The following CCDC7 variants were observed in gnomAD, a reference collection of about 807,000 sequenced individuals.
CCDC7 encodes the protein coiled-coil domain-containing protein 7.
In CCDC7, 183 loss-of-function variants were observed where a neutral mutation model predicts 196.9. That is an observed-to-expected ratio of 0.93 (90% confidence interval 0.82 to 1.05). CCDC7 has a LOEUF of 1.05. Among genes scored for constraint, CCDC7 ranks in the 50% least tolerant of loss-of-function variants. CCDC7 has a pLI of 0.00. For missense variants in CCDC7, 1,540 were observed against 1,482.2 expected (o/e 1.04, Z -0.64); for synonymous variants, 525 against 484.6 (o/e 1.08, Z -1.10).
At chr10:32,492,590 A>G (rs1189992055) in intron 9 of CCDC7, among the ~76,000 whole-genome samples, 1 of 152,154 alleles carries the variant, frequency 6.6e-6, no homozygotes, top group Non-Finnish European at 1.5e-5. Context: ...AGCCACAAAA[A>G]AGACAAATGC....
chr10:32,598,018 ACT>A (rs2060593946), intron 18 of CCDC7, among the ~76,000 whole-genome samples: 1 of 152,076 alleles, frequency 6.6e-6, no homozygotes, highest in African/African-American at 2.4e-5. Flanking sequence ...GAGAACCGCT[ACT>A]CTCTTCAAAG....
At chr10:32,475,375 T>C (rs905544073) in intron 8 of CCDC7, among the ~76,000 whole-genome samples, 4 of 152,220 alleles carry the variant, frequency 2.6e-5, no homozygotes, top group Non-Finnish European at 5.9e-5. Flanking sequence ...GTTTCATGTA[T>C]TTTTGTCCAG....
chr10:32,575,056 TAAAC>T (rs1320723891), intron 16 of CCDC7, among the ~76,000 whole-genome samples: 3 of 152,000 alleles, frequency 2.0e-5, no homozygotes, highest in Non-Finnish European at 2.9e-5. Flanking sequence ...AGACAAAAAA[TAAAC>T]AAGTAAAAAT....
intron 28 of CCDC7, among the ~76,000 whole-genome samples, chr10:32,776,449 C>T (rs1239279343): frequency 6.6e-6 from 1 of 152,004 alleles, no homozygotes; most frequent in African/African-American, 2.4e-5. Flanking sequence ...GCTCATTACA[C>T]TCATATAACA....
chr10:32,698,849 G>C (rs1303808227), intron 24 of CCDC7, among the ~76,000 whole-genome samples: 1 of 152,110 alleles, frequency 6.6e-6, no homozygotes, highest in Non-Finnish European at 1.5e-5. Flanking sequence ...AGGAAACACA[G>C]AGAACGCCAC....
chr10:32,752,922 GTAT>G (rs1284010379), intron 28 of CCDC7, among the ~76,000 whole-genome samples: 1 of 152,028 alleles, frequency 6.6e-6, no homozygotes, highest in East Asian at 1.9e-4. Context: ...ATGACAACTT[GTAT>G]TTAGTCCACT....
In CCDC7 at chr10:32,847,541, C is replaced by G. The variant is rs191659112; in HGVS notation, c.3689-292C>G. On this transcript the variant is annotated intron_variant, in intron 37 of 41. Transcript: ENST00000639629. ...ATTTCAAAAGACAACACAGCAAAAC[C>G]CTATCTCTACAAAAAATACAAAAAT... 2.8e-3 allele frequency among the ~76,000 whole-genome samples: 427 copies of G among 151,680 alleles called. 1 individual carries two copies. Among genetic ancestry groups the G allele is most frequent in the Non-Finnish European group, 4.4e-3 (296 of 67,846 alleles).
rs549646412 is a variant in CCDC7 at position 32,595,379 on chromosome 10, A to G, written c.1801+11075A>G. On this transcript the variant is annotated intron_variant, in intron 18 of 41. Coordinates refer to ENST00000639629, the Ensembl canonical transcript of CCDC7. The stretch of plus-strand genomic sequence containing the variant: ...CTCTGATGGTAGTTTGTATTTCTGT[A>G]GGATTGGTGGTGATATCCCCTTTAT... Among the ~76,000 whole-genome samples the G allele has an allele frequency of 1.4e-4, 22 of 152,136 alleles. No individual in the cohort carries two copies. The East Asian group carries it at 3.7e-3, about 25-fold the overall frequency.
At chr10:32,673,075 T>C (rs967193501) in intron 21 of CCDC7, among the ~76,000 whole-genome samples, 1 of 152,198 alleles carries the variant, frequency 6.6e-6, no homozygotes, top group Non-Finnish European at 1.5e-5. Context: ...TGTGTATTCT[T>C]ACCACCCTTG....
At chr10:32,552,624 A>G (rs1012311665) in intron 13 of CCDC7, among the ~76,000 whole-genome samples, 2 of 152,142 alleles carry the variant, frequency 1.3e-5, no homozygotes, top group African/African-American at 4.8e-5. Context: ...GTAATGGCGA[A>G]TTCTCTCACC....
At chr10:32,589,681 TA>T (rs1328196080) in intron 18 of CCDC7, among the ~76,000 whole-genome samples, 2 of 152,216 alleles carry the variant, frequency 1.3e-5, no homozygotes, top group Non-Finnish European at 2.9e-5. Flanking sequence ...TATTTGGGTC[TA>T]TGTCTTTCTT....
intron 13 of CCDC7, among the ~76,000 whole-genome samples, chr10:32,565,341 A>G (rs986351854): frequency 3.3e-5 from 5 of 152,200 alleles, no homozygotes; most frequent in Non-Finnish European, 5.9e-5. Flanking sequence ...CTGCAATTGT[A>G]ATTTCCCCGA....
At chr10:32,626,165 A>G (rs542432566) in intron 18 of CCDC7, among the ~76,000 whole-genome samples, 4 of 152,192 alleles carry the variant, frequency 2.6e-5, no homozygotes, top group South Asian at 2.1e-4. Flanking sequence ...TAGTTGATGT[A>G]CTAGTTTACA....
intron 18 of CCDC7, chr10:32,623,757 G>A (rs894205287): frequency 4.7e-5 from 22 of 470,168 alleles, no homozygotes; most frequent in African/African-American, 3.4e-4. Context: ...TGCTTCTGGC[G>A]AGGGCCTCAG....
chr10:32,451,778 G>C, exon 1 of CCDC7: 1 of 1,614,042 alleles, frequency 6.2e-7, no homozygotes, highest in Non-Finnish European at 8.5e-7. Flanking sequence ...ATTAATTCAT[G>C]ATAAAATTGA....
intron 24 of CCDC7, among the ~76,000 whole-genome samples, chr10:32,707,171 C>G (rs145840034): frequency 6.6e-6 from 1 of 152,162 alleles, no homozygotes; most frequent in Non-Finnish European, 1.5e-5. Context: ...TCAACATACA[C>G]AAATCAATAA....
At chr10:32,848,660 C>T (rs2093412406) in exon 39 of CCDC7, 2 of 1,536,814 alleles carry the variant, frequency 1.3e-6, no homozygotes, top group Non-Finnish European at 1.8e-6. Flanking sequence ...TTACTAGGAG[C>T]ATTACACCAA....
chr10:32,706,263 G>T (rs1157803804), intron 24 of CCDC7, among the ~76,000 whole-genome samples: 4 of 152,062 alleles, frequency 2.6e-5, no homozygotes, highest in Non-Finnish European at 5.9e-5. Flanking sequence ...TATGTTCTTT[G>T]AAACCAATGA....
intron 28 of CCDC7, among the ~76,000 whole-genome samples, chr10:32,747,928 C>T (rs766062759): frequency 6.6e-6 from 1 of 152,184 alleles, no homozygotes; most frequent in Non-Finnish European, 1.5e-5. Flanking sequence ...TTCATCACAG[C>T]ACTATTGACA....
Sources: allele counts gnomAD v4.1 joint callset (sites outside exome capture counted in the v4.1 genomes callset), GRCh38; gene constraint gnomAD v4.1.1; transcripts MANE v1.5; gene names NCBI Gene and HGNC (gene_info 2026-07-23, HGNC 2026-07-21).